Variants in PHACTR1 observed in about 807,000 individuals in gnomAD.
PHACTR1 encodes RPEL repeat containing 1.
In PHACTR1, 16 loss-of-function variants were observed where a neutral mutation model predicts 69.2. The observed-to-expected ratio is 0.23, with a 90% CI of 0.16 to 0.35. The LOEUF (loss-of-function observed/expected upper bound fraction) is 0.35, where lower values mean the gene tolerates loss of function less well. Among genes scored for constraint, PHACTR1 ranks in the 10% least tolerant of loss-of-function variants. The pLI is 1.00. For missense variants in PHACTR1, 510 were observed against 734.7 expected, an observed-to-expected ratio of 0.69 and a Z score of 3.54; for synonymous variants, 312 against 284.5, an observed-to-expected ratio of 1.10 and a Z score of -0.97.
At chr6:13,028,494 G>C (rs137981778) in intron 4 of PHACTR1, among the ~76,000 whole-genome samples, 2 of 152,166 alleles carry the variant, frequency 1.3e-5, no homozygotes, top group Non-Finnish European at 2.9e-5. Flanking sequence ...TTCCATAGCA[G>C]GCAGTATGAC....
chr6:13,124,083 A>G (rs1163772664), intron 5 of PHACTR1, among the ~76,000 whole-genome samples: 1 of 152,206 alleles, frequency 6.6e-6, no homozygotes, highest in Non-Finnish European at 1.5e-5. Flanking sequence ...CAAGATCCTC[A>G]TCAAAAGAAT....
At chr6:12,981,260 CA>C (rs921941109) in intron 4 of PHACTR1, among the ~76,000 whole-genome samples, 43 of 152,080 alleles carry the variant, frequency 2.8e-4, no homozygotes, top group African/African-American at 9.9e-4. Flanking sequence ...AAAAAGTAAT[CA>C]AAAAAAGGAT....
At chr6:12,843,100 C>T (rs1778864242) in intron 4 of PHACTR1, among the ~76,000 whole-genome samples, 1 of 152,156 alleles carries the variant, frequency 6.6e-6, no homozygotes, top group Non-Finnish European at 1.5e-5. Context: ...AATGTGGGAA[C>T]TAGGACTCTT....
intron 10 of PHACTR1, chr6:13,272,566 C>T (rs1465852403): frequency 1.6e-6 from 1 of 644,554 alleles, no homozygotes; most frequent in Non-Finnish European, 2.5e-6. Flanking sequence ...GAAAAGAGTC[C>T]CGTCTGAGTT....
intron 4 of PHACTR1, among the ~76,000 whole-genome samples, chr6:12,833,167 T>A (rs1777769185): frequency 6.6e-6 from 1 of 152,086 alleles, no homozygotes; most frequent in Non-Finnish European, 1.5e-5. Flanking sequence ...ATGTGCTACT[T>A]GGGTTTTGGC....
chr6:13,258,496 T>C (rs567209858), intron 10 of PHACTR1, among the ~76,000 whole-genome samples: 24 of 152,242 alleles, frequency 1.6e-4, no homozygotes, highest in African/African-American at 5.5e-4. Flanking sequence ...ATAGAAACCA[T>C]GGCAAGCGGC....
At chr6:13,185,465 G>GAAA (rs11290728) in intron 7 of PHACTR1, among the ~76,000 whole-genome samples, 2 of 142,202 alleles carry the variant, frequency 1.4e-5, no homozygotes, top group South Asian at 2.2e-4. Flanking sequence ...TTCTCTTAGG[G>GAAA]AAAAAAAAAA....
intron 3 of PHACTR1, among the ~76,000 whole-genome samples, chr6:12,744,957 T>C (rs879768405): frequency 9.2e-5 from 14 of 152,132 alleles, no homozygotes; most frequent in Non-Finnish European, 2.1e-4. Flanking sequence ...TGAGAGTGGA[T>C]AGAGTTGAGA....
At chr6:12,957,895 C>CGTGTA in intron 4 of PHACTR1, 1 of 985,186 alleles carries the variant, frequency 1.0e-6, no homozygotes, top group Non-Finnish European at 1.2e-6. Flanking sequence ...GCTGCATGGG[C>CGTGTA]GTGTGTAGCA....
chr6:13,267,465 G>A (rs1200048573), intron 10 of PHACTR1: 3 of 105,228 alleles, frequency 2.9e-5, no homozygotes, highest in African/African-American at 8.5e-5. Flanking sequence ...CCACTTCCAT[G>A]TGGCTGCTGA....
intron 3 of PHACTR1, among the ~76,000 whole-genome samples, chr6:12,730,693 A>G (rs933854173): frequency 1.3e-5 from 2 of 152,156 alleles, no homozygotes; most frequent in Non-Finnish European, 2.9e-5. Context: ...AGATTATTTC[A>G]TTACCCAGGT....
intron 4 of PHACTR1, among the ~76,000 whole-genome samples, chr6:12,796,814 C>T (rs977243566): frequency 1.4e-4 from 21 of 152,136 alleles, no homozygotes; most frequent in African/African-American, 4.3e-4. Context: ...CATTAATTTC[C>T]GGAGGAAGTG....
chr6:13,179,980 G>A lies in PHACTR1; in HGVS notation c.497-2539G>A, dbSNP rs1342369011. ...ATTGCAGAAAAATTGTATGCAAGACGATGGTCCTCACTGCATTTTTTTCAT... is the reference window on the plus strand; with the variant it reads ...ATTGCAGAAAAATTGTATGCAAGACAATGGTCCTCACTGCATTTTTTTCAT... On this transcript the variant is annotated intron_variant, in intron 6 of 14. Coordinates refer to ENST00000332995, the MANE Select transcript of PHACTR1 (RefSeq NM_030948.6). The surrounding 1 kb of genome is among the most constrained non-coding windows in gnomAD (Gnocchi z 4.2). 6.6e-6 allele frequency among the ~76,000 whole-genome samples: 1 copy of A among 152,146 alleles called. No individual in the cohort carries two copies. The highest frequency in any genetic ancestry group is 2.4e-5 in the African/African-American group (1 of 41,426).
chr6:12,877,190 C>T (rs1782610990), intron 4 of PHACTR1, among the ~76,000 whole-genome samples: 1 of 152,174 alleles, frequency 6.6e-6, no homozygotes, highest in African/African-American at 2.4e-5. Flanking sequence ...ATAGAATTAA[C>T]CCTCATGATA....
chr6:12,937,429 A>G (rs545576951), intron 4 of PHACTR1, among the ~76,000 whole-genome samples: 1 of 151,612 alleles, frequency 6.6e-6, no homozygotes, highest in East Asian at 1.9e-4. Context: ...GCTCACTGCA[A>G]CCTCCACCTC....
At chr6:13,160,845 G>A (rs1758886675) in intron 6 of PHACTR1, among the ~76,000 whole-genome samples, 1 of 152,216 alleles carries the variant, frequency 6.6e-6, no homozygotes, top group African/African-American at 2.4e-5. Flanking sequence ...TGTGTCCACA[G>A]ATATTTGCTG....
At chr6:13,118,414 C>T (rs1303292264) in intron 5 of PHACTR1, among the ~76,000 whole-genome samples, 2 of 151,186 alleles carry the variant, frequency 1.3e-5, no homozygotes, top group Non-Finnish European at 2.9e-5. Context: ...TATTAGATAA[C>T]ATCCTCGTGA....
intron 5 of PHACTR1, among the ~76,000 whole-genome samples, chr6:13,130,156 G>A (rs1428140258): frequency 2.6e-5 from 4 of 152,080 alleles, no homozygotes; most frequent in East Asian, 1.9e-4. Context: ...AGCAAAGGTG[G>A]TACAAAGAGG....
At chr6:12,999,593 T>C (rs1236593239) in intron 4 of PHACTR1, among the ~76,000 whole-genome samples, 1 of 152,184 alleles carries the variant, frequency 6.6e-6, no homozygotes, top group Non-Finnish European at 1.5e-5. Context: ...AGTGAGACTC[T>C]GTCTCAGAAA....
Sources: gnomAD v4.1 joint callset for allele counts (sites outside exome capture counted in the v4.1 genomes callset) on GRCh38, gnomAD v4.1.1 for gene constraint, Gnocchi (gnomAD v3.1) non-coding constraint, MANE v1.5 for transcripts, NCBI Gene and HGNC (gene_info 2026-07-23, HGNC 2026-07-21) for gene names.